Variants in TPRN observed in about 807,000 individuals in gnomAD.
The protein encoded by TPRN is chromosome 9 open reading frame 75.
Under a neutral mutation model 42.6 loss-of-function variants are expected in TPRN, and 32 were observed. The observed-to-expected ratio is 0.75, with a 90% CI of 0.57 to 1.01. The LOEUF (loss-of-function observed/expected upper bound fraction) is 1.01. Among genes scored for constraint, TPRN ranks in the 50% least tolerant of loss-of-function variants. The probability of loss-of-function intolerance (pLI) is 0.00; values close to 1 mark genes in which losing one functional copy is unlikely to be tolerated. For missense variants in TPRN, 1,095 were observed against 957.5 expected, an observed-to-expected ratio of 1.14 and a Z score of -1.90; for synonymous variants, 541 against 445.6, an observed-to-expected ratio of 1.21 and a Z score of -2.70.
intron 1 of TPRN, among the ~76,000 whole-genome samples, chr9:137,197,042 C>G (rs1316665937): frequency 2.0e-5 from 3 of 152,228 alleles, no homozygotes; most frequent in Non-Finnish European, 4.4e-5. Flanking sequence ...CTCCGGCCCC[C>G]ACCCTGCCCT....
In TPRN at chr9:137,200,476, A is replaced by AGCCGCGCCCCC. The variant is rs387906221; in HGVS notation, c.225_235dup (p.Leu79ArgfsTer375). 56 of 1,118,928 alleles carry AGCCGCGCCCCC rather than the reference A, an allele frequency of 5.0e-5. No individual in the cohort carries two copies. Among genetic ancestry groups the AGCCGCGCCCCC allele is most frequent in the Admixed American group, 9.5e-5 (2 of 20,976 alleles). The allele number at this position is 1,118,928 out of a possible 1,614,324, so 69.3% of individuals were successfully genotyped here. ...AGGCACGCGGCGGTACCGCTCCAGC[A>AGCCGCGCCCCC]GCCGCGCCCCCGCCGCGCCCCCGCC... On this transcript the variant is annotated frameshift_variant, in exon 1 of 4. Transcript: ENST00000409012. LOFTEE classifies it high-confidence loss of function. The surrounding 1 kb of genome is among the most constrained non-coding windows in gnomAD (Gnocchi z 4.3).
intron 1 of TPRN, among the ~76,000 whole-genome samples, chr9:137,197,157 G>A (rs1834717657): frequency 6.6e-6 from 1 of 152,174 alleles, no homozygotes; most frequent in South Asian, 2.1e-4. Flanking sequence ...GGAGTGCAAT[G>A]GCGCGATCTC....
chr9:137,199,186 G>A lies in TPRN; in HGVS notation c.1526C>T (p.Pro509Leu), dbSNP rs1252316825. The change falls in exon 1 of 4, where the codon CCA (proline) becomes CTA (leucine). Residue 509 changes from proline to leucine, a missense_variant. Pro to Leu is a moderately conservative substitution (Grantham distance 98). Coordinates refer to ENST00000409012, the MANE Select transcript of TPRN (RefSeq NM_001128228.3). ...NTFTVVPKRK[P>L]GTLQDQHFSQ... ...GAAGTGCTGGTCCTGCAGAGTCCCT[G>A]GCTTCCTCTTGGGCACCACTGTGAA... 6.2e-7 allele frequency: 1 copy of A among 1,613,096 alleles called. No individual in the cohort carries two copies. Among genetic ancestry groups the A allele is most frequent in the Non-Finnish European group, 8.5e-7 (1 of 1,180,028 alleles).
At position 137,200,578 on chromosome 9, in the gene TPRN, T is replaced by C. The variant is rs1834794532; in HGVS notation, c.134A>G (p.Glu45Gly). The change falls in exon 1 of 4, where the codon GAG (glutamate) becomes GGG (glycine). Residue 45 changes from glutamate to glycine, a missense_variant. Coordinates refer to ENST00000409012, the MANE Select transcript of TPRN (RefSeq NM_001128228.3). This position sits in a 1 kb window ranked among gnomAD's most constrained non-coding sequence, Gnocchi z 4.3. ...CAGGCTCTCGGCCAGCACCCGCTGCTCGGGCTCCGCCGCCCCGGGCCCCGC... is the reference window on the plus strand; with the variant it reads ...CAGGCTCTCGGCCAGCACCCGCTGCCCGGGCTCCGCCGCCCCGGGCCCCGC... ...GGAGPGAAEPEQRVLAESLGP... is the reference protein window; with the variant it reads ...GGAGPGAAEPGQRVLAESLGP... 8.7e-7 allele frequency: 1 copy of C among 1,148,762 alleles called. No homozygotes were observed. The highest frequency in any genetic ancestry group is 1.1e-6 in the Non-Finnish European group (1 of 938,870). The allele number at this position is 1,148,762 out of a possible 1,614,324, so 71.2% of individuals were successfully genotyped here.
intron 3 of TPRN, 42 bp downstream of exon 3, chr9:137,192,217 G>C (rs763736953): frequency 6.8e-6 from 11 of 1,613,216 alleles, no homozygotes; most frequent in Non-Finnish European, 9.3e-6. Flanking sequence ...GGCTCGCCCG[G>C]GTGTCAGACT....
At position 137,192,455 on chromosome 9, in the gene TPRN, G is replaced by C; in HGVS notation, c.1962C>G (p.Ser654Arg). 6.2e-7 allele frequency: 1 copy of C among 1,607,120 alleles called. No homozygotes were observed. ...RPESSRLPEG[S>R]SGLSSYTPKH... The stretch of plus-strand genomic sequence containing the variant: ...GTCCCCCAGGTGGGCACTCACCTGA[G>C]CTACCCTCTGGCAGCCGAGAGCTCT... The change falls in exon 2 of 4, where the codon AGC (serine) becomes AGG (arginine). Residue 654 changes from serine (S) to arginine (R), a missense_variant. Coordinates refer to ENST00000409012, the MANE Select transcript of TPRN (RefSeq NM_001128228.3).
intron 1 of TPRN, 129 bp from the exon 2 acceptor site, chr9:137,192,820 G>T: frequency 9.9e-7 from 1 of 1,006,206 alleles, no homozygotes; most frequent in Non-Finnish European, 1.5e-6. Context: ...AACCGTTCCG[G>T]GGGCTCCAGG....
Position 137,199,729 on chromosome 9 carries a change from C to T in TPRN, c.983G>A (p.Arg328Gln), listed in dbSNP as rs781147493. 3 of 1,611,880 alleles carry T rather than the reference C, an allele frequency of 1.9e-6. No individual in the cohort carries two copies. Among genetic ancestry groups the T allele is most frequent in the Non-Finnish European group, 2.5e-6 (3 of 1,179,666 alleles). The change falls in exon 1 of 4, where the codon CGA (arginine) becomes CAA (glutamine). Residue 328 changes from arginine to glutamine, a missense_variant. Physicochemically the swap from Arg to Gln is conservative, Grantham distance 43. Transcript: ENST00000409012. ...CTTGGGGATGACCATGAAAGAATTT[C>T]GAGAGTTTGCGCGGAGGCTGGCCAG... ...RALASLRANS[R>Q]NSFMVIPKSK...
chr9:137,199,720 A>C lies in TPRN; in HGVS notation c.992T>G (p.Phe331Cys). The change falls in exon 1 of 4, where the codon TTC becomes TGC. Residue 331 changes from phenylalanine (F) to cysteine (C), a missense_variant. Physicochemically the swap from Phe to Cys is radical, Grantham distance 205. Coordinates refer to ENST00000409012, the MANE Select transcript of TPRN (RefSeq NM_001128228.3). ...ASLRANSRNS[F>C]MVIPKSKASG... ...GGCCTTGCTCTTGGGGATGACCATG[A>C]AAGAATTTCGAGAGTTTGCGCGGAG... 4 of 1,611,900 alleles carry C rather than the reference A, an allele frequency of 2.5e-6. No individual in the cohort carries two copies. In the South Asian group the frequency reaches 3.3e-5, roughly 13 times the overall value.
chr9:137,199,323 C>T lies in TPRN; in HGVS notation c.1389G>A (p.Ser463=), dbSNP rs752886415. ...LPVTFIDEVD[S]EEAPQAAKLP... ...GTTTGGCTGCTTGGGGGGCCTCCTCCGAGTCTACCTCATCGATGAAGGTGA... is the reference window on the plus strand; with the variant it reads ...GTTTGGCTGCTTGGGGGGCCTCCTCTGAGTCTACCTCATCGATGAAGGTGA... Residue 463 remains serine, a synonymous_variant, in exon 1 of 4, where the codon TCG becomes TCA. Coordinates refer to ENST00000409012, the MANE Select transcript of TPRN (RefSeq NM_001128228.3). The T allele has an allele frequency of 4.3e-6, 7 of 1,612,542 alleles. No homozygotes were observed. In the East Asian group the frequency reaches 1.1e-4, roughly 26 times the overall value.
In TPRN at chr9:137,199,315, GC is replaced by G; in HGVS notation, c.1396del (p.Ala466ProfsTer77). 1 of 1,612,428 alleles carries G rather than the reference GC, an allele frequency of 6.2e-7. No individual in the cohort carries two copies. Among genetic ancestry groups the G allele is most frequent in the Non-Finnish European group, 8.5e-7 (1 of 1,179,990 alleles). ...GTAGGGTAGTTTGGCTGCTTGGGGG[GC>G]CTCCTCCGAGTCTACCTCATCGATG... ...TFIDEVDSEE[A>X]PQAAKLPYLP... On this transcript the variant is annotated frameshift_variant, in exon 1 of 4. Transcript: ENST00000409012. LOFTEE classifies it high-confidence loss of function.
At position 137,200,724 on chromosome 9, in the gene TPRN, G is replaced by GC; in HGVS notation, c.-14dup. 8.8e-7 allele frequency: 1 copy of GC among 1,138,624 alleles called. No individual in the cohort carries two copies. The highest frequency in any genetic ancestry group is 1.1e-6 in the Non-Finnish European group (1 of 929,032). 70.5% of individuals were successfully genotyped at this position (1,138,624 alleles called of 1,614,324 possible). A position where few individuals can be genotyped will look rare whatever the true frequency, so the allele number is the denominator to read the frequency against. On this transcript the variant is annotated 5_prime_UTR_variant, in exon 1 of 4. Transcript: ENST00000409012. The surrounding 1 kb of genome is among the most constrained non-coding windows in gnomAD (Gnocchi z 4.3). ...CCAGGGCGGCCATGCTGCGAACGCG[G>GC]CAGCGGACGGCTGGACTGAGGGCCG...
chr9:137,192,222 C>CA (rs1188143745), intron 3 of TPRN, 37 bp downstream of exon 3: 2 of 1,613,300 alleles, frequency 1.2e-6, no homozygotes, highest in South Asian at 1.1e-5. Flanking sequence ...GCCCGGGTGT[C>CA]AGACTCCCCC....
intron 1 of TPRN, among the ~76,000 whole-genome samples, chr9:137,196,064 T>C (rs887715127): frequency 3.3e-5 from 5 of 152,086 alleles, no homozygotes; most frequent in Admixed American, 3.3e-4. Flanking sequence ...AAGGGTATCA[T>C]ACCCTGTGCA....
Position 137,199,509 on chromosome 9 carries a change from C to A in TPRN, c.1203G>T (p.Arg401Ser), listed in dbSNP as rs1232330209. The change falls in exon 1 of 4, where the codon AGG becomes AGT. Residue 401 changes from arginine to serine, a missense_variant. Coordinates refer to ENST00000409012, the MANE Select transcript of TPRN (RefSeq NM_001128228.3). ...CCCGGTCAGCGAGGGCGGTGGCTGT[C>A]CTGGGACAGGCCCCCTCCTCGACTG... ...QWAVEEGACP[R>S]TATALADRAI... is the part of the protein sequence containing the mutation. 2 of 1,578,448 alleles carry A rather than the reference C, an allele frequency of 1.3e-6. No homozygotes were observed. Among genetic ancestry groups the A allele is most frequent in the African/African-American group, 1.3e-5 (1 of 74,158 alleles).
Position 137,192,543 on chromosome 9 carries a change from G to A in TPRN, c.1874C>T (p.Ser625Leu), listed in dbSNP as rs1386556020. ...GAAGAGTGCAAAGGGCTTCTCCTCTGAGCCGGATCCCTCTTCCTCCTCTTC... is the reference window on the plus strand; with the variant it reads ...GAAGAGTGCAAAGGGCTTCTCCTCTAAGCCGGATCCCTCTTCCTCCTCTTC... ...EEEEEEEGSGSEEKPFALFLP... is the reference protein window; with the variant it reads ...EEEEEEEGSGLEEKPFALFLP... The change falls in exon 2 of 4, where the codon TCA (serine) becomes TTA (leucine). Residue 625 changes from serine (S) to leucine (L), a missense_variant. Ser to Leu is a moderately radical substitution (Grantham distance 145). Coordinates refer to ENST00000409012, the MANE Select transcript of TPRN (RefSeq NM_001128228.3). 1.2e-6 allele frequency: 2 copies of A among 1,609,304 alleles called. No individual in the cohort carries two copies. The highest frequency in any genetic ancestry group is 2.2e-5 in the East Asian group (1 of 44,654).
At chr9:137,195,679 A>G (rs1300819871) in intron 1 of TPRN, among the ~76,000 whole-genome samples, 1 of 152,168 alleles carries the variant, frequency 6.6e-6, no homozygotes, top group African/African-American at 2.4e-5. Context: ...CCCTGGGGAC[A>G]CTGACACGCT....
Position 137,200,383 on chromosome 9 carries a change from G to A in TPRN, c.329C>T (p.Pro110Leu), listed in dbSNP as rs1357037825. The change falls in exon 1 of 4, where the codon CCG becomes CTG. Residue 110 changes from proline to leucine, a missense_variant. Physicochemically the swap from Pro to Leu is moderately conservative, Grantham distance 98 (BLOSUM62 -3). Transcript: ENST00000409012. This position sits in a 1 kb window ranked among gnomAD's most constrained non-coding sequence, Gnocchi z 4.3. ...GATCTGCGCGGCCCCCGGGGCGGGC[G>A]GCGCGGGCGGGAAGCCGGGCACCGT... ...IETVPGFPPA[P>L]PAPGAAQIRA... 7.4e-6 allele frequency: 8 copies of A among 1,085,134 alleles called. No individual in the cohort carries two copies. In the Admixed American group the frequency reaches 3.7e-4, roughly 51 times the overall value. 67.2% of individuals were successfully genotyped at this position (1,085,134 alleles called of 1,614,324 possible).
In TPRN at chr9:137,200,387, C is replaced by A. The variant is rs1465259722; in HGVS notation, c.325G>T (p.Ala109Ser). Residue 109 changes from alanine (A) to serine (S), a missense_variant, in exon 1 of 4, where the codon GCG (alanine) becomes TCG (serine). Coordinates refer to ENST00000409012, the MANE Select transcript of TPRN (RefSeq NM_001128228.3). This position sits in a 1 kb window ranked among gnomAD's most constrained non-coding sequence, Gnocchi z 4.3. The stretch of plus-strand genomic sequence containing the variant: ...TGCGCGGCCCCCGGGGCGGGCGGCG[C>A]GGGCGGGAAGCCGGGCACCGTCTCG... ...IIETVPGFPP[A>S]PPAPGAAQIR... 1 of 1,089,428 alleles carries A rather than the reference C, an allele frequency of 9.2e-7. No homozygotes were observed. The highest frequency in any genetic ancestry group is 1.7e-5 in the African/African-American group (1 of 58,260). The allele number at this position is 1,089,428 out of a possible 1,614,324, so 67.5% of individuals were successfully genotyped here.
Sources: gnomAD v4.1 joint callset for allele counts (sites outside exome capture counted in the v4.1 genomes callset) on GRCh38, gnomAD v4.1.1 for gene constraint, Gnocchi (gnomAD v3.1) non-coding constraint, MANE v1.5 for transcripts, NCBI Gene and HGNC (gene_info 2026-07-23, HGNC 2026-07-21) for gene names.